The following DPP10 variants were observed in gnomAD, a reference collection of about 807,000 sequenced individuals.
DPP10 encodes inactive dipeptidyl peptidase 10.
Under a neutral mutation model 120.9 loss-of-function variants are expected in DPP10, and 33 were observed. The ratio of observed to expected loss-of-function variants is 0.27; its 90% confidence interval spans 0.21 to 0.37. The LOEUF (loss-of-function observed/expected upper bound fraction) is 0.37, where lower values mean the gene tolerates loss of function less well. Among genes scored for constraint, DPP10 ranks in the 10% least tolerant of loss-of-function variants. DPP10 has a pLI of 1.00. For missense variants in DPP10, 816 were observed against 942.8 expected (o/e 0.87, Z 1.76); for synonymous variants, 337 against 326.1 (o/e 1.03, Z -0.36).
At chr2:115,163,639 C>T (rs1396512471) in intron 1 of DPP10, among the ~76,000 whole-genome samples, 1 of 152,208 alleles carries the variant, frequency 6.6e-6, no homozygotes, top group Non-Finnish European at 1.5e-5. Context: ...GATTGAACAT[C>T]CTCTTTCAGG....
At chr2:114,563,311 G>A (rs1185800771) in intron 1 of DPP10, among the ~76,000 whole-genome samples, 1 of 151,754 alleles carries the variant, frequency 6.6e-6, no homozygotes, top group Admixed American at 6.6e-5. Flanking sequence ...GGCAGAGGTT[G>A]CAGTGCACTG....
intron 1 of DPP10, among the ~76,000 whole-genome samples, chr2:114,533,519 T>C (rs1686218461): frequency 2.0e-5 from 3 of 151,870 alleles, no homozygotes; most frequent in Non-Finnish European, 4.4e-5. Context: ...CTGGTGGGCT[T>C]AATACCTAGG....
chr2:114,494,116 A>AAC (rs1204828540), intron 1 of DPP10, among the ~76,000 whole-genome samples: 1 of 86,088 alleles, frequency 1.2e-5, no homozygotes, highest in South Asian at 3.0e-4. Flanking sequence ...AAAAAAAAAA[A>AAC]AAAAACCCAG....
At chr2:114,686,749 A>G (rs1290057653) in intron 1 of DPP10, among the ~76,000 whole-genome samples, 1 of 151,960 alleles carries the variant, frequency 6.6e-6, no homozygotes, top group Non-Finnish European at 1.5e-5. Flanking sequence ...GAAAAAACGC[A>G]ATAATTGTAG....
chr2:115,564,480 G>A (rs1158526200), intron 5 of DPP10, among the ~76,000 whole-genome samples: 2 of 152,074 alleles, frequency 1.3e-5, no homozygotes, highest in African/African-American at 2.4e-5. Context: ...TTACTGAAAC[G>A]TGATAGAAAG....
At chr2:114,744,261 A>G (rs912829006) in intron 1 of DPP10, among the ~76,000 whole-genome samples, 2 of 152,210 alleles carry the variant, frequency 1.3e-5, no homozygotes, top group Non-Finnish European at 2.9e-5. Flanking sequence ...ATGTTTGAGC[A>G]AAGAGTAATA....
chr2:114,457,168 G>A (rs952367130), intron 1 of DPP10, among the ~76,000 whole-genome samples: 2 of 152,152 alleles, frequency 1.3e-5, no homozygotes, highest in African/African-American at 2.4e-5. Flanking sequence ...TGTATCTTAC[G>A]CAGACTCTGT....
At chr2:115,222,622 G>C (rs547633645) in intron 1 of DPP10, among the ~76,000 whole-genome samples, 1 of 152,008 alleles carries the variant, frequency 6.6e-6, no homozygotes, top group South Asian at 2.1e-4. Context: ...CCCAGTCTGG[G>C]ATATATCCTT....
At position 114,653,650 on chromosome 2, in the gene DPP10, T is replaced by C. The variant is rs370513740; in HGVS notation, c.60+210812T>C. Among the ~76,000 whole-genome samples, 6 of 152,274 alleles carry C rather than the reference T, an allele frequency of 3.9e-5. No homozygotes were observed. The East Asian group carries it at 7.7e-4, about 20-fold the overall frequency. Reference sequence around the variant, plus strand: ...GACTTCTGCAGAAAAGTTCTCAGTGTCCTTCAATAAGATAGAGCCTTTCTT... The same window carrying C: ...GACTTCTGCAGAAAAGTTCTCAGTGCCCTTCAATAAGATAGAGCCTTTCTT... On this transcript the variant is annotated intron_variant, in intron 1 of 25. Coordinates refer to ENST00000410059, the MANE Select transcript of DPP10 (RefSeq NM_020868.6).
chr2:115,320,679 TTTATAA>T (rs938498965), intron 2 of DPP10, among the ~76,000 whole-genome samples: 17 of 152,154 alleles, frequency 1.1e-4, no homozygotes, highest in African/African-American at 3.4e-4. Context: ...TTAATCTAGA[TTTATAA>T]TTATTATTAT....
chr2:115,301,497 T>G (rs2061132210), intron 1 of DPP10, among the ~76,000 whole-genome samples: 1 of 144,548 alleles, frequency 6.9e-6, no homozygotes, highest in East Asian at 2.1e-4. Context: ...TTAACTGCAC[T>G]CACTGTTCCA....
intron 1 of DPP10, among the ~76,000 whole-genome samples, chr2:114,712,866 A>T (rs1330431516): frequency 6.6e-6 from 1 of 152,190 alleles, no homozygotes; most frequent in Non-Finnish European, 1.5e-5. Context: ...CATGCCATTT[A>T]GAGTTGTATA....
rs2149912602 is a variant in DPP10 at position 115,791,191 on chromosome 2, T to A, written c.1630+12T>A. ...TATTGACGACTATGGTAAAATTTTG[T>A]GCATGCTATGTTATTCAAGAACAAC... On this transcript the variant is annotated intron_variant, in intron 18 of 25. Coordinates refer to ENST00000410059, the MANE Select transcript of DPP10 (RefSeq NM_020868.6). The A allele has an allele frequency of 2.5e-6, 4 of 1,611,360 alleles. No homozygotes were observed. The East Asian group carries it at 8.9e-5, about 36-fold the overall frequency.
At chr2:114,560,624 C>T (rs1050244725) in intron 1 of DPP10, among the ~76,000 whole-genome samples, 4 of 152,210 alleles carry the variant, frequency 2.6e-5, no homozygotes, top group South Asian at 2.1e-4. Context: ...CCAGATGATG[C>T]GTCTGTACTT....
At chr2:114,539,030 G>A (rs969243847) in intron 1 of DPP10, among the ~76,000 whole-genome samples, 1 of 152,082 alleles carries the variant, frequency 6.6e-6, no homozygotes, top group Non-Finnish European at 1.5e-5. Flanking sequence ...AGGAACCTGA[G>A]AGATGACAGC....
intron 1 of DPP10, among the ~76,000 whole-genome samples, chr2:114,756,964 A>T (rs1679809469): frequency 6.6e-6 from 1 of 152,122 alleles, no homozygotes; most frequent in South Asian, 2.1e-4. Context: ...CACAGTCCTC[A>T]AGGGTTTGAT....
intron 1 of DPP10, among the ~76,000 whole-genome samples, chr2:115,165,374 G>T (rs1335595328): frequency 1.3e-5 from 2 of 152,080 alleles, no homozygotes; most frequent in Non-Finnish European, 1.5e-5. Flanking sequence ...ATACAATCAT[G>T]ATACAACATA....
intron 1 of DPP10, among the ~76,000 whole-genome samples, chr2:114,656,988 A>G (rs1244193994): frequency 6.6e-6 from 1 of 152,114 alleles, no homozygotes; most frequent in Non-Finnish European, 1.5e-5. Flanking sequence ...CTTTGTGGTA[A>G]GGCTTGGGAA....
intron 1 of DPP10, among the ~76,000 whole-genome samples, chr2:114,968,412 AT>A (rs1271656741): frequency 1.3e-5 from 2 of 152,122 alleles, no homozygotes; most frequent in African/African-American, 2.4e-5. Context: ...TTTTACATGT[AT>A]TGCCCTCCAC....
Sources: gnomAD v4.1 joint callset for allele counts (sites outside exome capture counted in the v4.1 genomes callset) on GRCh38, gnomAD v4.1.1 for gene constraint, MANE v1.5 for transcripts, NCBI Gene and HGNC (gene_info 2026-07-23, HGNC 2026-07-21) for gene names.